Variants in KIAA0319 observed in about 807,000 individuals in gnomAD.
KIAA0319 encodes the protein dyslexia-associated protein KIAA0319.
KIAA0319 carries 83 observed loss-of-function variants against 108.4 expected under a neutral mutation model. The ratio of observed to expected loss-of-function variants is 0.77; its 90% CI spans 0.64 to 0.92. KIAA0319 has a LOEUF of 0.92. Ranked by LOEUF, KIAA0319 falls within the 40% of genes least tolerant of loss-of-function variation. KIAA0319 has a pLI of 0.00. For missense variants in KIAA0319, 1,195 were observed against 1,322.4 expected (o/e 0.90, Z 1.49); for synonymous variants, 484 against 510.4 (o/e 0.95, Z 0.70).
chr6:24,553,249 A>T (rs377740316), intron 19 of KIAA0319, among the ~76,000 whole-genome samples: 2 of 145,432 alleles, frequency 1.4e-5, no homozygotes, highest in East Asian at 4.0e-4. Context: ...GAGACCTGTA[A>T]GGCCACTTAG....
chr6:24,583,767 A>T, intron 4 of KIAA0319, 65 bp from the exon 5 acceptor site: 1 of 972,976 alleles, frequency 1.0e-6, no homozygotes, highest in Non-Finnish European at 1.6e-6. Context: ...ACTGCTCTAC[A>T]CTAGATCTGT....
At chr6:24,595,079 G>T (rs1332545003) in intron 3 of KIAA0319, among the ~76,000 whole-genome samples, 1 of 152,230 alleles carries the variant, frequency 6.6e-6, no homozygotes, top group South Asian at 2.1e-4. Flanking sequence ...TGACGCTTAA[G>T]TTCTCTCCTT....
intron 7 of KIAA0319, 53 bp from the exon 8 acceptor site, chr6:24,580,003 A>G: frequency 7.6e-7 from 1 of 1,313,988 alleles, no homozygotes; most frequent in Non-Finnish European, 1.1e-6. Flanking sequence ...GGCATATGTC[A>G]TTACCCACAT....
rs70974925 is a variant in KIAA0319, at chr6:24,645,840, T to TACACACACACACACACAC, written c.-228_-211dup. 8 of 140,280 alleles carry TACACACACACACACACAC rather than the reference T, an allele frequency of 5.7e-5. No homozygotes were observed. The highest frequency in any genetic ancestry group is 1.4e-4 in the Admixed American group (2 of 14,188). The allele number at this position is 140,280 out of a possible 1,614,324, so 8.7% of individuals were successfully genotyped here. A position where few individuals can be genotyped will look rare whatever the true frequency, so the allele number is the denominator to read the frequency against. On this transcript the variant is annotated 5_prime_UTR_variant, in exon 1 of 21. Transcript: ENST00000378214. The stretch of plus-strand genomic sequence containing the variant: ...TCCTCCTCGTCGTCATCGCAGGTCT[T>TACACACACACACACACAC]ACACACACACACACACACACACACA...
intron 16 of KIAA0319, among the ~76,000 whole-genome samples, chr6:24,560,900 T>TG (rs766475675): frequency 9.9e-5 from 15 of 152,130 alleles, no homozygotes; most frequent in Non-Finnish European, 1.9e-4. Flanking sequence ...TATATTTTGG[T>TG]GGGGGGCAGG....
At chr6:24,583,900 T>C (rs1333237611) in intron 4 of KIAA0319, among the ~76,000 whole-genome samples, 198 bp from the exon 5 acceptor site, 3 of 152,212 alleles carry the variant, frequency 2.0e-5, no homozygotes, top group Non-Finnish European at 4.4e-5. Flanking sequence ...GTACAGGGTT[T>C]TAAACCACAA....
At chr6:24,588,862 AC>A in intron 3 of KIAA0319, 77 bp from the exon 4 acceptor site, 1 of 1,187,776 alleles carries the variant, frequency 8.4e-7, no homozygotes, top group Non-Finnish European at 1.2e-6. Flanking sequence ...AATGTTACCA[AC>A]CTTTTTCATA....
chr6:24,567,198 A>G (rs544949650), intron 13 of KIAA0319, among the ~76,000 whole-genome samples: 56 of 152,220 alleles, frequency 3.7e-4, no homozygotes, highest in African/African-American at 1.3e-3. Flanking sequence ...AAAAAAGAAA[A>G]AAAAAATTTG....
chr6:24,572,473 C>G, intron 11 of KIAA0319, 102 bp downstream of exon 11: 2 of 1,353,772 alleles, frequency 1.5e-6, no homozygotes, highest in Non-Finnish European at 2.0e-6. Flanking sequence ...GCTTTGGCAC[C>G]CACAGGCCGG....
chr6:24,565,752 C>CAAAAAAAAAAAAA (rs71542686), intron 14 of KIAA0319, among the ~76,000 whole-genome samples: 21 of 62,580 alleles, frequency 3.4e-4, no homozygotes, highest in Non-Finnish European at 5.1e-4. Context: ...GACTCCATCT[C>CAAAAAAAAAAAAA]AAAAAAAAAA....
At position 24,564,322 on chromosome 6, in the gene KIAA0319, C is replaced by G. The variant is rs1159360966; in HGVS notation, c.2311G>C (p.Asp771His). 2 of 1,614,178 alleles carry G rather than the reference C, an allele frequency of 1.2e-6. No homozygotes were observed. Among genetic ancestry groups the G allele is most frequent in the Non-Finnish European group, 1.7e-6 (2 of 1,180,022 alleles). Residue 771 changes from aspartate to histidine, a missense_variant, in exon 15 of 21, where the codon GAC becomes CAC. Transcript: ENST00000378214. ...GTAAGCTGCAGAGCCACACTGTGGT[C>G]AGAGCCATCGATGACATCCTGCGAA... ...PAAGDVIDGS[D>H]HSVALQLTNL...
intron 1 of KIAA0319, among the ~76,000 whole-genome samples, chr6:24,640,458 G>C (rs1006206534): frequency 6.6e-6 from 1 of 152,136 alleles, no homozygotes; most frequent in Non-Finnish European, 1.5e-5. Context: ...TTCCATATGG[G>C]TGTAATGTAG....
downstream of KIAA0319, among the ~76,000 whole-genome samples, chr6:24,543,492 G>A (rs807526): frequency 0.26 from 40,138 of 151,850 alleles, 5,541 homozygotes; most frequent in African/African-American, 0.32. Flanking sequence ...GAGTGGCCCA[G>A]TCTCTGCTCA....
intron 17 of KIAA0319, among the ~76,000 whole-genome samples, chr6:24,558,365 C>CTACATAAATAGA (rs372256630): frequency 5.3e-5 from 8 of 150,778 alleles, no homozygotes; most frequent in African/African-American, 2.0e-4. Flanking sequence ...ATATATATAT[C>CTACATAAATAGA]TAGATAGATA....
At chr6:24,552,166 C>G (rs1469848591) in intron 19 of KIAA0319, among the ~76,000 whole-genome samples, 1 of 152,084 alleles carries the variant, frequency 6.6e-6, no homozygotes, top group Non-Finnish European at 1.5e-5. Context: ...ATTCTGGGAG[C>G]ATGATGATCA....
intron 1 of KIAA0319, among the ~76,000 whole-genome samples, chr6:24,610,282 G>A (rs1230415436): frequency 6.6e-6 from 1 of 152,006 alleles, no homozygotes; most frequent in Non-Finnish European, 1.5e-5. Context: ...AACCTGAATA[G>A]ACAGTTCTCC....
chr6:24,556,795 T>C (rs1042780579), intron 17 of KIAA0319, 66 bp from the exon 18 acceptor site: 24 of 1,548,908 alleles, frequency 1.5e-5, no homozygotes, highest in Middle Eastern at 2.2e-4. Context: ...TCAGCTTCTT[T>C]TGTATCTTCA....
At chr6:24,581,404 GTGTTGTACCAT>G (rs1766521758) in intron 6 of KIAA0319, among the ~76,000 whole-genome samples, 1 of 152,216 alleles carries the variant, frequency 6.6e-6, no homozygotes, top group Non-Finnish European at 1.5e-5. Flanking sequence ...ATGCAAGTCT[GTGTTGTACCAT>G]TAGCTGTGTG....
In KIAA0319 at chr6:24,606,091, T is replaced by G. The variant is rs769612170; in HGVS notation, c.-105-4883A>C. On this transcript the variant is annotated intron_variant, in intron 1 of 20. Coordinates refer to ENST00000378214, the MANE Select transcript of KIAA0319 (RefSeq NM_014809.4). ...CTGGGACGACAGGTGCCTGCCACCA[T>G]GCCTGGCTAACTTTTGTACTTTTTT... Among the ~76,000 whole-genome samples, 6 of 152,220 alleles carry G rather than the reference T, an allele frequency of 3.9e-5. No individual in the cohort carries two copies. In the South Asian group the frequency reaches 8.3e-4, roughly 21 times the overall value.
Sources: gnomAD v4.1 joint callset for allele counts (sites outside exome capture counted in the v4.1 genomes callset) on GRCh38, gnomAD v4.1.1 for gene constraint, MANE v1.5 for transcripts, NCBI Gene and HGNC (gene_info 2026-07-23, HGNC 2026-07-21) for gene names.